The following TBC1D19 variants were observed in gnomAD, a reference collection of about 807,000 sequenced individuals.
TBC1D19 encodes the protein TBC1 domain family, member 19.
Under a neutral mutation model 89.0 loss-of-function variants are expected in TBC1D19, and 60 were observed. That is an observed-to-expected ratio of 0.67 (90% CI 0.55 to 0.84). The LOEUF (loss-of-function observed/expected upper bound fraction) is 0.84, where lower values mean the gene tolerates loss of function less well. Ranked by LOEUF, TBC1D19 falls within the 40% of genes least tolerant of loss-of-function variation. TBC1D19 has a pLI of 0.00. For synonymous variants in TBC1D19, 189 were observed against 199.7 expected (o/e 0.95, Z 0.45); for missense variants, 500 against 610.8 (o/e 0.82, Z 1.91).
rs1718192737 is a variant in TBC1D19, at chr4:26,738,945, T to G, written c.1118-919T>G. Among the ~76,000 whole-genome samples, 4 of 152,318 alleles carry G rather than the reference T, an allele frequency of 2.6e-5. No individual in the cohort carries two copies. The South Asian group carries it at 8.3e-4, about 32-fold the overall frequency. On this transcript the variant is annotated intron_variant, in intron 16 of 20. Coordinates refer to ENST00000264866, the MANE Select transcript of TBC1D19 (RefSeq NM_018317.4). ...CCCTCAGAGCATTACCAACAGATTA[T>G]AGAGCCCCAGAAATTCTTACTTGTC... is the stretch of plus-strand genomic sequence containing the variant.
At chr4:26,720,006 A>C (rs747354549) in intron 14 of TBC1D19, 75 bp from the exon 15 acceptor site, 2 of 1,275,808 alleles carry the variant, frequency 1.6e-6, no homozygotes, top group African/African-American at 3.0e-5. Flanking sequence ...TTGTTAGTAC[A>C]TTCACAAAAT....
At chr4:26,630,539 A>T (rs145784027) in intron 4 of TBC1D19, among the ~76,000 whole-genome samples, 2 of 151,934 alleles carry the variant, frequency 1.3e-5, no homozygotes, top group East Asian at 1.9e-4. Context: ...GGGCCTAATT[A>T]TCCACCTCCA....
chr4:26,720,393 T>A (rs1473181415), intron 15 of TBC1D19, among the ~76,000 whole-genome samples: 2 of 152,150 alleles, frequency 1.3e-5, no homozygotes, highest in Admixed American at 6.6e-5. Flanking sequence ...CACTTCATTT[T>A]CCTGTGAAGA....
At chr4:26,649,356 G>A (rs1744176598) in intron 7 of TBC1D19, among the ~76,000 whole-genome samples, 1 of 151,902 alleles carries the variant, frequency 6.6e-6, no homozygotes, top group Admixed American at 6.6e-5. Context: ...ATTTTTGACA[G>A]CTTTATTGAG....
intron 9 of TBC1D19, among the ~76,000 whole-genome samples, chr4:26,671,836 T>C (rs977941462): frequency 2.0e-5 from 3 of 151,886 alleles, no homozygotes; most frequent in African/African-American, 4.8e-5. Context: ...TCATCAATGT[T>C]TTGTTTGATT....
chr4:26,645,811 A>T (rs1404124609), intron 7 of TBC1D19, among the ~76,000 whole-genome samples: 1 of 152,204 alleles, frequency 6.6e-6, no homozygotes, highest in Non-Finnish European at 1.5e-5. Flanking sequence ...ATTTACAAGA[A>T]AAAAACAACC....
intron 16 of TBC1D19, among the ~76,000 whole-genome samples, chr4:26,739,069 A>G (rs1384792440): frequency 6.6e-6 from 1 of 152,204 alleles, no homozygotes; most frequent in African/African-American, 2.4e-5. Flanking sequence ...ATTTGTCTCT[A>G]TGCTGCCTAA....
the TBC1D19 span, among the ~76,000 whole-genome samples, chr4:26,843,393 C>T: frequency 6.6e-6 from 1 of 152,004 alleles, no homozygotes; most frequent in Non-Finnish European, 1.5e-5. Context: ...ATAACCCATC[C>T]TTCATCTAGG....
At chr4:26,847,864 G>A in the TBC1D19 span, among the ~76,000 whole-genome samples, 5 of 152,172 alleles carry the variant, frequency 3.3e-5, no homozygotes, top group African/African-American at 9.6e-5. Context: ...TTTGGTAAAC[G>A]TGAAGAAGGA....
At chr4:26,833,329 G>A in the TBC1D19 span, among the ~76,000 whole-genome samples, 1 of 152,106 alleles carries the variant, frequency 6.6e-6, no homozygotes, top group African/African-American at 2.4e-5. Flanking sequence ...CTTTATTGAG[G>A]TATAATTTAG....
chr4:26,719,871 C>T (rs1716864901), intron 14 of TBC1D19, among the ~76,000 whole-genome samples: 1 of 152,016 alleles, frequency 6.6e-6, no homozygotes, highest in South Asian at 2.1e-4. Context: ...TTCTGTTGTA[C>T]TTATGTTCGT....
the TBC1D19 span, among the ~76,000 whole-genome samples, chr4:26,818,315 C>T: frequency 6.6e-6 from 1 of 152,142 alleles, no homozygotes; most frequent in East Asian, 1.9e-4. Flanking sequence ...GTAGCCTTGT[C>T]CTGCTGGGCT....
the TBC1D19 span, among the ~76,000 whole-genome samples, chr4:26,787,516 G>A: frequency 1.3e-5 from 2 of 152,192 alleles, no homozygotes; most frequent in Non-Finnish European, 2.9e-5. Context: ...GAGGAAAAGG[G>A]CGGTCTCTGA....
At chr4:26,583,910 C>G, upstream of TBC1D19, 1 of 423,678 alleles carries the variant, frequency 2.4e-6, no homozygotes, top group Non-Finnish European at 4.3e-6. Flanking sequence ...AATGAGCTTT[C>G]TTGCCTTTCA....
chr4:26,632,725 C>T (rs540310906), intron 4 of TBC1D19, among the ~76,000 whole-genome samples: 104 of 152,232 alleles, frequency 6.8e-4, no homozygotes, highest in African/African-American at 2.4e-3. Context: ...AGTCCTCTTT[C>T]ACTGTTTGCT....
chr4:26,843,218 G>A, the TBC1D19 span, among the ~76,000 whole-genome samples: 1 of 152,154 alleles, frequency 6.6e-6, no homozygotes, highest in Non-Finnish European at 1.5e-5. Context: ...TTTTTGGAAC[G>A]TGTTCACATG....
In TBC1D19 at chr4:26,651,147, C is replaced by T. The variant is rs551380575; in HGVS notation, c.481-8450C>T. ...TGTAGTATAGTTTGAAGTCAGGTAG[C>T]GTGATGCCTTCGGCTTTGTTCTTTT... On this transcript the variant is annotated intron_variant, in intron 7 of 20. Coordinates refer to ENST00000264866, the MANE Select transcript of TBC1D19 (RefSeq NM_018317.4). Among the ~76,000 whole-genome samples the T allele has an allele frequency of 1.2e-4, 19 of 152,230 alleles. No homozygotes were observed. The South Asian group carries it at 3.3e-3, about 27-fold the overall frequency.
At chr4:26,818,060 G>T in the TBC1D19 span, among the ~76,000 whole-genome samples, 1 of 150,324 alleles carries the variant, frequency 6.7e-6, no homozygotes, top group Non-Finnish European at 1.5e-5. Flanking sequence ...TGGGGGTGTG[G>T]TTTGAAGTCC....
chr4:26,840,519 T>G, the TBC1D19 span, among the ~76,000 whole-genome samples: 1 of 152,136 alleles, frequency 6.6e-6, no homozygotes, highest in Non-Finnish European at 1.5e-5. Context: ...TCTTTATAGG[T>G]TCTGCCTATT....
Sources: allele counts gnomAD v4.1 joint callset (sites outside exome capture counted in the v4.1 genomes callset), GRCh38; gene constraint gnomAD v4.1.1; transcripts MANE v1.5; gene names NCBI Gene and HGNC (gene_info 2026-07-23, HGNC 2026-07-21).